The following EPHA1 variants were observed in gnomAD, a reference collection of about 807,000 sequenced individuals.
The protein encoded by EPHA1 is EPH receptor A1.
Under a neutral mutation model 110.1 loss-of-function variants are expected in EPHA1, and 92 were observed. The ratio of observed to expected loss-of-function variants is 0.84; its 90% CI spans 0.71 to 0.99. The LOEUF (loss-of-function observed/expected upper bound fraction) is 0.99. Ranked by LOEUF, EPHA1 falls within the 50% of genes least tolerant of loss-of-function variation. EPHA1 has a pLI of 0.00. For missense variants in EPHA1, 1,204 were observed against 1,285.4 expected (o/e 0.94, Z 0.97); for synonymous variants, 500 against 516.1 (o/e 0.97, Z 0.42).
chr7:143,403,563 A>C (rs1805475876), intron 2 of EPHA1, among the ~76,000 whole-genome samples: 1 of 152,182 alleles, frequency 6.6e-6, no homozygotes, highest in Non-Finnish European at 1.5e-5. Context: ...AGATTGATGT[A>C]AGATTTCCAT....
At chr7:143,399,201 C>A in intron 5 of EPHA1, 57 bp downstream of exon 5, 1 of 1,573,704 alleles carries the variant, frequency 6.4e-7, no homozygotes, top group South Asian at 1.2e-5. Context: ...CTGACAAAGT[C>A]TCAGCAAAGA....
Position 143,395,136 on chromosome 7 carries a change from CA to C in EPHA1, c.2129del (p.Leu710ArgfsTer5), listed in dbSNP as rs1438329108. The C allele has an allele frequency of 1.9e-6, 3 of 1,613,940 alleles. No individual in the cohort carries two copies. The African/African-American group carries it at 4.0e-5, about 22-fold the overall frequency. ...IITEFMENGA[L>X]DAFLREREDQ... ...CCCTCCTCACCCTCAGGAAGGCATC[CA>C]GGGCTCCATTCTCCATAAATTCTGT... is the stretch of plus-strand genomic sequence containing the variant. On this transcript the variant is annotated frameshift_variant, in exon 13 of 18. Transcript: ENST00000275815. LOFTEE classifies it high-confidence loss of function. The surrounding 1 kb of genome is among the most constrained non-coding windows in gnomAD (Gnocchi z 4.7).
intron 7 of EPHA1, 110 bp from the exon 8 acceptor site, chr7:143,398,180 A>AG (rs1372435265): frequency 1.9e-6 from 3 of 1,576,194 alleles, no homozygotes; most frequent in Non-Finnish European, 1.7e-6. Context: ...TGGTTAGGAC[A>AG]GGGTTCTTCA....
In EPHA1 at chr7:143,391,351, G is replaced by T. The variant is rs1485561825; in HGVS notation, c.*106C>A. On this transcript the variant is annotated 3_prime_UTR_variant, in exon 18 of 18. Transcript: ENST00000275815. ...AAAGTGGGCAGAAGCAGCACCGATA[G>T]CCTAGTCTGGCAGGTTGTGGGAAGG... 3.0e-6 allele frequency: 4 copies of T among 1,355,352 alleles called. No individual in the cohort carries two copies. The East Asian group carries it at 1.0e-4, about 34-fold the overall frequency. The allele number at this position is 1,355,352 out of a possible 1,614,324, so 84.0% of individuals were successfully genotyped here.
At chr7:143,405,687 G>T (rs924253838) in intron 2 of EPHA1, among the ~76,000 whole-genome samples, 2 of 152,190 alleles carry the variant, frequency 1.3e-5, no homozygotes, top group Non-Finnish European at 2.9e-5. Context: ...ATCACTGTGG[G>T]TGATTAGCTG....
rs1474111055 is a variant in EPHA1 at position 143,391,750 on chromosome 7, T to C, written c.2722A>G (p.Ser908Gly). 6.2e-7 allele frequency: 1 copy of C among 1,613,882 alleles called. No homozygotes were observed. Among genetic ancestry groups the C allele is most frequent in the Non-Finnish European group, 8.5e-7 (1 of 1,180,028 alleles). The change falls in exon 17 of 18, where the codon AGT becomes GGT. Residue 908 changes from serine (S) to glycine (G), a missense_variant. Ser to Gly is a moderately conservative substitution (Grantham distance 56). Coordinates refer to ENST00000275815, the MANE Select transcript of EPHA1 (RefSeq NM_005232.5). ...PRMTLRLPSL[S>G]GSDGIPYRTV... ...CGATATGGGATCCCATCTGAGCCACTCAGGCTGGGCAGGCGAAGAGTCATC... is the reference window on the plus strand; with the variant it reads ...CGATATGGGATCCCATCTGAGCCACCCAGGCTGGGCAGGCGAAGAGTCATC...
intron 6 of EPHA1, 23 bp downstream of exon 6, chr7:143,398,578 C>A (rs1414654777): frequency 3.1e-6 from 5 of 1,609,214 alleles, no homozygotes; most frequent in Non-Finnish European, 4.2e-6. Context: ...AGGTCCCTGT[C>A]CCAGCCCCTC....
rs988078682 is a variant in EPHA1, at chr7:143,391,181, CTGTT to C, written c.*272_*275del. On this transcript the variant is annotated 3_prime_UTR_variant, in exon 18 of 18. Transcript: ENST00000275815. ...TGGGATGGAGGCAGAAAATCAGTTCCTGTTTATTTACAAAAATATATATATGTGT... is the reference window on the plus strand; with the variant it reads ...TGGGATGGAGGCAGAAAATCAGTTCCTATTTACAAAAATATATATATGTGT... 55 of 418,094 alleles carry C rather than the reference CTGTT, an allele frequency of 1.3e-4. No individual in the cohort carries two copies. The highest frequency in any genetic ancestry group is 3.3e-4 in the Admixed American group (8 of 24,552). 25.9% of individuals were successfully genotyped at this position (418,094 alleles called of 1,614,324 possible). A position where few individuals can be genotyped will look rare whatever the true frequency, so the allele number is the denominator to read the frequency against.
chr7:143,395,078 CA>C lies in EPHA1; in HGVS notation c.2145+42del. On this transcript the variant is annotated intron_variant, in intron 13 of 17. Coordinates refer to ENST00000275815, the MANE Select transcript of EPHA1 (RefSeq NM_005232.5). The surrounding 1 kb of genome is among the most constrained non-coding windows in gnomAD (Gnocchi z 4.7). ...GGTCTCCTCCCAGTGCCCAGGGTAC[CA>C]TGGTGCATCCCCCTCCCCAGCTAGT... 6.2e-7 allele frequency: 1 copy of C among 1,613,960 alleles called. No individual in the cohort carries two copies. Among genetic ancestry groups the C allele is most frequent in the Non-Finnish European group, 8.5e-7 (1 of 1,179,956 alleles).
intron 2 of EPHA1, among the ~76,000 whole-genome samples, chr7:143,407,068 C>T (rs1805570580): frequency 6.6e-6 from 1 of 152,038 alleles, no homozygotes; most frequent in Non-Finnish European, 1.5e-5. Flanking sequence ...CTTTTAACTT[C>T]GGAGGAGTCA....
In EPHA1 at chr7:143,391,695, C is replaced by G. The variant is rs201517649; in HGVS notation, c.2777G>C (p.Arg926Pro). 8.7e-6 allele frequency: 14 copies of G among 1,613,970 alleles called. No individual in the cohort carries two copies. The highest frequency in any genetic ancestry group is 1.3e-5 in the African/African-American group (1 of 75,042). ...GAAGTGCAGGATGTAGCGTTTCATGCGTATGGACTCGAGCCACTCAGAGAC... is the reference window on the plus strand; with the variant it reads ...GAAGTGCAGGATGTAGCGTTTCATGGGTATGGACTCGAGCCACTCAGAGAC... ...RTVSEWLESI[R>P]MKRYILHFHS... is the part of the protein sequence containing the mutation. Residue 926 changes from arginine to proline, a missense_variant, in exon 17 of 18, where the codon CGC (arginine) becomes CCC (proline). Coordinates refer to ENST00000275815, the MANE Select transcript of EPHA1 (RefSeq NM_005232.5).
intron 2 of EPHA1, among the ~76,000 whole-genome samples, chr7:143,406,599 T>C (rs1805557004): frequency 6.6e-6 from 1 of 152,210 alleles, no homozygotes; most frequent in Non-Finnish European, 1.5e-5. Context: ...AACATGTTAC[T>C]TGTGATTGTT....
At chr7:143,392,423 C>T (rs1228510718) in intron 16 of EPHA1, among the ~76,000 whole-genome samples, 1 of 152,170 alleles carries the variant, frequency 6.6e-6, no homozygotes, top group Non-Finnish European at 1.5e-5. Context: ...AAAGTTGGAA[C>T]TTAGAGCATG....
At chr7:143,396,342 C>T (rs1805244378) in intron 11 of EPHA1, 43 bp downstream of exon 11, 2 of 1,600,468 alleles carry the variant, frequency 1.2e-6, no homozygotes, top group South Asian at 1.1e-5. Flanking sequence ...TCTGTGCTGC[C>T]CCACATGGCG....
Position 143,398,855 on chromosome 7 carries a change from C to A in EPHA1, c.1082G>T (p.Arg361Leu). 6.2e-7 allele frequency: 1 copy of A among 1,613,356 alleles called. No homozygotes were observed. Among genetic ancestry groups the A allele is most frequent in the Non-Finnish European group, 8.5e-7 (1 of 1,179,902 alleles). The part of the protein sequence containing the change: ...RWEPPADTGG[R>L]QDVRYSVRCS... ...CCTCACACTGTATCTGACATCCTGGCGTCCCCCCGTATCTGCTGGGGGTTC... is the reference window on the plus strand; with the variant it reads ...CCTCACACTGTATCTGACATCCTGGAGTCCCCCCGTATCTGCTGGGGGTTC... Residue 361 changes from arginine (R) to leucine (L), a missense_variant, in exon 6 of 18, where the codon CGC becomes CTC. Transcript: ENST00000275815.
At position 143,397,657 on chromosome 7, in the gene EPHA1, A is replaced by T; in HGVS notation, c.1616T>A (p.Val539Glu). 1.9e-6 allele frequency: 3 copies of T among 1,614,142 alleles called. No homozygotes were observed. The highest frequency in any genetic ancestry group is 2.5e-6 in the Non-Finnish European group (3 of 1,179,996). Residue 539 changes from valine to glutamate, a missense_variant and splice_region_variant, in exon 9 of 18, where the codon GTG becomes GAG. Physicochemically the swap from Val to Glu is moderately radical, Grantham distance 121. Transcript: ENST00000275815. Reference protein sequence around the residue: ...PDHEFRTSPPVSRGLTGGEIV... With the variant: ...PDHEFRTSPPESRGLTGGEIV... The stretch of plus-strand genomic sequence containing the variant: ...CTCTCCTCCAGTCAGGCCCCTGGAC[A>T]CTGTAGGCACAAAGGGATGAGGAAG...
At position 143,401,230 on chromosome 7, in the gene EPHA1, A is replaced by C. The variant is rs1586585599; in HGVS notation, c.432+94T>G. Reference sequence around the variant, plus strand: ...ATTCTTTTCAAGATTCTACCTCTGCACCCTCTTCCTGTCTCTGCAACCTTC... The same window carrying C: ...ATTCTTTTCAAGATTCTACCTCTGCCCCCTCTTCCTGTCTCTGCAACCTTC... On this transcript the variant is annotated intron_variant, in intron 3 of 17. Coordinates refer to ENST00000275815, the MANE Select transcript of EPHA1 (RefSeq NM_005232.5). This position sits in a 1 kb window ranked among gnomAD's most constrained non-coding sequence, Gnocchi z 4.1. 1 of 1,480,434 alleles carries C rather than the reference A, an allele frequency of 6.8e-7. No homozygotes were observed. The highest frequency in any genetic ancestry group is 9.1e-7 in the Non-Finnish European group (1 of 1,097,344). 91.7% of individuals were successfully genotyped at this position (1,480,434 alleles called of 1,614,324 possible).
intron 5 of EPHA1, 73 bp downstream of exon 5, chr7:143,399,185 C>T: frequency 6.4e-7 from 1 of 1,555,024 alleles, no homozygotes. Context: ...CTGGAAAAAT[C>T]CAACCCTGAC....
intron 5 of EPHA1, 147 bp from the exon 6 acceptor site, chr7:143,399,092 G>T (rs1805344143): frequency 1.6e-6 from 2 of 1,216,846 alleles, no homozygotes; most frequent in Non-Finnish European, 1.2e-6. Flanking sequence ...CTACATCTCT[G>T]CATTCTTCTA....
Sources: gnomAD v4.1 joint callset for allele counts (sites outside exome capture counted in the v4.1 genomes callset) on GRCh38, gnomAD v4.1.1 for gene constraint, Gnocchi (gnomAD v3.1) non-coding constraint, MANE v1.5 for transcripts, NCBI Gene and HGNC (gene_info 2026-07-23, HGNC 2026-07-21) for gene names.